Variants in AGBL4 observed in about 807,000 individuals in gnomAD.
The protein encoded by AGBL4 is cytosolic carboxypeptidase 6.
AGBL4 carries 58 observed loss-of-function variants against 66.4 expected under a neutral mutation model. That is an observed-to-expected ratio of 0.87 (90% CI 0.71 to 1.09). The LOEUF (loss-of-function observed/expected upper bound fraction) is 1.09, where lower values mean the gene tolerates loss of function less well. AGBL4 is among the 50% of genes least tolerant of loss of function. AGBL4 has a pLI of 0.00. For synonymous variants in AGBL4, 234 were observed against 222.9 expected, an observed-to-expected ratio of 1.05 and a Z score of -0.44; for missense variants, 579 against 631.0, an observed-to-expected ratio of 0.92 and a Z score of 0.88.
chr1:49,394,978 GC>G (rs1427201476), intron 3 of AGBL4, among the ~76,000 whole-genome samples: 1 of 151,982 alleles, frequency 6.6e-6, no homozygotes, highest in Non-Finnish European at 1.5e-5. Flanking sequence ...CATCAATCTT[GC>G]CTGTTTTTTC....
At chr1:49,987,113 AC>A (rs955533512) in intron 1 of AGBL4, among the ~76,000 whole-genome samples, 12 of 152,078 alleles carry the variant, frequency 7.9e-5, no homozygotes, top group Admixed American at 3.3e-4. Context: ...TCTGTAAAAA[AC>A]ATCAGCATAT....
At chr1:49,304,175 C>T (rs1301995651) in intron 3 of AGBL4, among the ~76,000 whole-genome samples, 1 of 152,036 alleles carries the variant, frequency 6.6e-6, no homozygotes, top group Non-Finnish European at 1.5e-5. Flanking sequence ...AGGAAGGAGT[C>T]CAGTTTCAAT....
chr1:49,321,825 G>T (rs1645137875), intron 3 of AGBL4, among the ~76,000 whole-genome samples: 1 of 152,174 alleles, frequency 6.6e-6, no homozygotes, highest in East Asian at 1.9e-4. Flanking sequence ...TTCAGGTGGG[G>T]TAATGTGATT....
At chr1:49,837,921 A>G (rs1645893472) in intron 2 of AGBL4, among the ~76,000 whole-genome samples, 1 of 152,192 alleles carries the variant, frequency 6.6e-6, no homozygotes, top group Non-Finnish European at 1.5e-5. Context: ...GAGCTATTGG[A>G]AGCAGAAGGT....
intron 9 of AGBL4, among the ~76,000 whole-genome samples, chr1:48,621,959 T>TC (rs944219320): frequency 2.0e-5 from 3 of 152,074 alleles, no homozygotes; most frequent in Non-Finnish European, 4.4e-5. Flanking sequence ...AGATTTTTTT[T>TC]TCTCTCTCTC....
chr1:49,975,974 G>A (rs559684494), intron 1 of AGBL4, among the ~76,000 whole-genome samples: 4 of 152,206 alleles, frequency 2.6e-5, no homozygotes, highest in Non-Finnish European at 5.9e-5. Context: ...CCTAATGCGC[G>A]CATTGAAAGG....
chr1:49,155,058 T>C (rs1646404656), intron 4 of AGBL4, among the ~76,000 whole-genome samples: 1 of 152,206 alleles, frequency 6.6e-6, no homozygotes, highest in African/African-American at 2.4e-5. Context: ...CAGATATTTT[T>C]CTTAGGATGA....
At chr1:49,622,579 A>C (rs1396332147) in intron 3 of AGBL4, among the ~76,000 whole-genome samples, 1 of 141,886 alleles carries the variant, frequency 7.0e-6, no homozygotes, top group Non-Finnish European at 1.5e-5. Flanking sequence ...CAGTGAGCCA[A>C]GATCCCGCCA....
chr1:49,136,039 T>C (rs1401249987), intron 4 of AGBL4, among the ~76,000 whole-genome samples: 1 of 152,150 alleles, frequency 6.6e-6, no homozygotes, highest in African/African-American at 2.4e-5. Flanking sequence ...TATAACCAGA[T>C]AAATTAACAG....
rs184218218 is a variant in AGBL4 at position 48,766,590 on chromosome 1, G to A, written c.634+100601C>T. On this transcript the variant is annotated intron_variant, in intron 6 of 13. Transcript: ENST00000371839. ...GAATGGGTTCTTTGAAAAGGTGGCT[G>A]AATAGTCCAGGAAGCTCTGAGGTGT... Among the ~76,000 whole-genome samples, 5 of 152,328 alleles carry A rather than the reference G, an allele frequency of 3.3e-5. No individual in the cohort carries two copies. The East Asian group carries it at 5.8e-4, about 18-fold the overall frequency.
intron 2 of AGBL4, among the ~76,000 whole-genome samples, chr1:49,701,699 C>A (rs1473126836): frequency 1.3e-5 from 2 of 152,060 alleles, no homozygotes; most frequent in East Asian, 3.9e-4. Flanking sequence ...ACACAAAATT[C>A]TTCCTTTGAA....
intron 3 of AGBL4, among the ~76,000 whole-genome samples, chr1:49,294,607 C>A (rs1256013347): frequency 6.6e-6 from 1 of 152,130 alleles, no homozygotes; most frequent in Non-Finnish European, 1.5e-5. Context: ...GTTTTGAATC[C>A]TATGTCACTA....
At position 49,060,006 on chromosome 1, in the gene AGBL4, G is replaced by A. The variant is rs1298535206; in HGVS notation, c.378-14206C>T. Among the ~76,000 whole-genome samples the A allele has an allele frequency of 2.6e-5, 4 of 152,144 alleles. No individual in the cohort carries two copies. In the East Asian group the frequency reaches 7.7e-4, roughly 29 times the overall value. ...TTCCTGGACATTTGGGTTAATGCTG[G>A]AATGAGTTAAGACTTTGGGGGGCTG... is the stretch of plus-strand genomic sequence containing the variant. On this transcript the variant is annotated intron_variant, in intron 4 of 13. Coordinates refer to ENST00000371839, the MANE Select transcript of AGBL4 (RefSeq NM_032785.4).
intron 3 of AGBL4, among the ~76,000 whole-genome samples, chr1:49,319,864 C>T (rs1392233470): frequency 6.6e-6 from 1 of 152,164 alleles, no homozygotes; most frequent in African/African-American, 2.4e-5. Context: ...GGCTGAAGCC[C>T]TCAAGGCCTA....
At chr1:49,118,963 A>G (rs1293029487) in intron 4 of AGBL4, among the ~76,000 whole-genome samples, 4 of 152,136 alleles carry the variant, frequency 2.6e-5, no homozygotes, top group Non-Finnish European at 5.9e-5. Flanking sequence ...CATTTCTTCT[A>G]GATTTTCTAG....
intron 3 of AGBL4, among the ~76,000 whole-genome samples, chr1:49,295,655 G>C (rs1332714890): frequency 6.6e-6 from 1 of 152,100 alleles, no homozygotes; most frequent in Non-Finnish European, 1.5e-5. Context: ...GTGCAGTATT[G>C]CTTCTATTAC....
chr1:49,118,757 G>A (rs1273288910), intron 4 of AGBL4, among the ~76,000 whole-genome samples: 1 of 152,098 alleles, frequency 6.6e-6, no homozygotes, highest in Non-Finnish European at 1.5e-5. Context: ...GATTGGAATA[G>A]TTTCAGATGG....
rs567275900 is a variant in AGBL4, at chr1:49,870,157, T to C, written c.35-18639A>G. Among the ~76,000 whole-genome samples, 5 of 152,308 alleles carry C rather than the reference T, an allele frequency of 3.3e-5. No individual in the cohort carries two copies. The East Asian group carries it at 7.7e-4, about 23-fold the overall frequency. ...ATTCCATGAGGAAATATCATGTAAC[T>C]GGATAGGAAATCACACAATTTTAAA... is the stretch of plus-strand genomic sequence containing the variant. On this transcript the variant is annotated intron_variant, in intron 1 of 13. Transcript: ENST00000371839.
At chr1:48,957,991 G>GT (rs965913701) in intron 5 of AGBL4, among the ~76,000 whole-genome samples, 222 of 147,714 alleles carry the variant, frequency 1.5e-3, no homozygotes, top group African/African-American at 4.6e-3. Context: ...CTGCAGGCTT[G>GT]TTTTTTTTTT....
Sources: gnomAD v4.1 joint callset for allele counts (sites outside exome capture counted in the v4.1 genomes callset) on GRCh38, gnomAD v4.1.1 for gene constraint, MANE v1.5 for transcripts, NCBI Gene and HGNC (gene_info 2026-07-23, HGNC 2026-07-21) for gene names.